Variants in LAMA2 observed in about 807,000 individuals in gnomAD.
The protein encoded by LAMA2 is laminin subunit alpha 2.
In LAMA2, 269 loss-of-function variants were observed where a neutral mutation model predicts 364.8. That is an observed-to-expected ratio of 0.74 (90% confidence interval 0.67 to 0.82). LAMA2 has a LOEUF of 0.82. Among genes scored for constraint, LAMA2 ranks in the 40% least tolerant of loss-of-function variants. The probability of loss-of-function intolerance (pLI) is 0.00; values close to 1 mark genes in which losing one functional copy is unlikely to be tolerated. For synonymous variants in LAMA2, 1,379 were observed against 1,370.6 expected (o/e 1.01, Z -0.14); for missense variants, 3,807 against 3,873.2 (o/e 0.98, Z 0.45).
At chr6:129,413,119 C>CT (rs1780617520) in intron 40 of LAMA2, among the ~76,000 whole-genome samples, 2 of 152,104 alleles carry the variant, frequency 1.3e-5, no homozygotes, top group Non-Finnish European at 2.9e-5. Flanking sequence ...ATAAGATACA[C>CT]TATGCAAACT....
rs762858697 is a variant in LAMA2 at position 128,883,344 on chromosome 6, A to G, written c.99A>G (p.Ala33=). The stretch of plus-strand genomic sequence containing the variant: ...CGCAGCAGCAGCGGCAGTCACAGGC[A>G]CATCAGCAAAGAGGTACAGTCGAGG... ...QRPQQQRQSQ[A]HQQRGLFPAV... is the part of the protein sequence containing the mutation. Residue 33 remains alanine (A), a synonymous_variant, in exon 1 of 65, where the codon GCA becomes GCG. Coordinates refer to ENST00000421865, the MANE Select transcript of LAMA2 (RefSeq NM_000426.4). 6.3e-7 allele frequency: 1 copy of G among 1,598,032 alleles called. No homozygotes were observed. Among genetic ancestry groups the G allele is most frequent in the Non-Finnish European group, 8.5e-7 (1 of 1,172,566 alleles).
intron 10 of LAMA2, among the ~76,000 whole-genome samples, chr6:129,188,891 C>T (rs1356385458): frequency 2.0e-5 from 3 of 151,930 alleles, no homozygotes; most frequent in Non-Finnish European, 2.9e-5. Flanking sequence ...CTTATATGTT[C>T]TCAGATTTTA....
chr6:129,408,214 C>G (rs550602640), intron 40 of LAMA2, among the ~76,000 whole-genome samples: 27 of 152,138 alleles, frequency 1.8e-4, no homozygotes, highest in Non-Finnish European at 3.5e-4. Context: ...ATGGGAGAAA[C>G]AGTACCATAT....
intron 1 of LAMA2, among the ~76,000 whole-genome samples, chr6:128,910,592 G>A (rs1416222998): frequency 6.6e-5 from 10 of 152,064 alleles, no homozygotes; most frequent in East Asian, 3.9e-4. Flanking sequence ...ATGTCCTCCC[G>A]TAGCTCAGAG....
Position 129,402,526 on chromosome 6 carries a change from T to C in LAMA2, c.5726+39T>C, listed in dbSNP as rs73774810. Reference sequence around the variant, plus strand: ...TTTTGGAAATGTTTGTGTATTTTGATGCTTGTCCAAAGGTTTTGACTAGCA... The same window carrying C: ...TTTTGGAAATGTTTGTGTATTTTGACGCTTGTCCAAAGGTTTTGACTAGCA... On this transcript the variant is annotated intron_variant, in intron 39 of 64. Coordinates refer to ENST00000421865, the MANE Select transcript of LAMA2 (RefSeq NM_000426.4). The C allele has an allele frequency of 2.5e-3, 3,944 of 1,596,140 alleles. 96 individuals carry two copies. In the African/African-American group the frequency reaches 0.048, roughly 19 times the overall value.
At chr6:129,309,987 C>G (rs1774113189) in intron 22 of LAMA2, among the ~76,000 whole-genome samples, 1 of 148,926 alleles carries the variant, frequency 6.7e-6, no homozygotes, top group African/African-American at 2.5e-5. Context: ...GCAAGCTCCG[C>G]CTCCCGGGTT....
chr6:129,239,299 T>A (rs1475102111), intron 12 of LAMA2, among the ~76,000 whole-genome samples: 1 of 152,206 alleles, frequency 6.6e-6, no homozygotes, highest in African/African-American at 2.4e-5. Flanking sequence ...TCTAGAACTG[T>A]ACTCTTTTCC....
intron 12 of LAMA2, among the ~76,000 whole-genome samples, chr6:129,237,111 A>G (rs1166778766): frequency 2.0e-5 from 3 of 152,268 alleles, no homozygotes; most frequent in East Asian, 3.9e-4. Context: ...TAACAGTTAT[A>G]AGATTCTTAC....
chr6:129,438,750 G>C lies in LAMA2; in HGVS notation c.6073G>C (p.Ala2025Pro), dbSNP rs556367686. The C allele has an allele frequency of 1.3e-6, 2 of 1,547,100 alleles. No individual in the cohort carries two copies. Among genetic ancestry groups the C allele is most frequent in the East Asian group, 4.5e-5 (2 of 44,454 alleles). Residue 2025 changes from alanine (A) to proline (P), a missense_variant, in exon 42 of 65, where the codon GCT becomes CCT. Coordinates refer to ENST00000421865, the MANE Select transcript of LAMA2 (RefSeq NM_000426.4). ...TLNDTLGKLS[A>P]IPNDTAAKLQ... ...GAATGACACTTTGGGAAAGTTATCA[G>C]CTATTCCAAATGGTAAGCATTCAGG...
chr6:129,159,936 C>T (rs1424777549), intron 8 of LAMA2, among the ~76,000 whole-genome samples: 10 of 152,132 alleles, frequency 6.6e-5, no homozygotes, highest in Non-Finnish European at 1.3e-4. Context: ...GGCAGCTTTG[C>T]ATTTGTGAAT....
intron 1 of LAMA2, among the ~76,000 whole-genome samples, chr6:128,968,858 C>T (rs1283787508): frequency 1.3e-5 from 2 of 152,026 alleles, no homozygotes; most frequent in Non-Finnish European, 2.9e-5. Context: ...CCTTGTGCTT[C>T]GTTTGAATTT....
intron 1 of LAMA2, among the ~76,000 whole-genome samples, chr6:128,972,506 A>G (rs568820726): frequency 1.3e-5 from 2 of 152,334 alleles, no homozygotes; most frequent in South Asian, 2.1e-4. Flanking sequence ...TCAACAAATG[A>G]TAGACATTAC....
intron 18 of LAMA2, among the ~76,000 whole-genome samples, chr6:129,282,947 G>A (rs1003962567): frequency 6.6e-6 from 1 of 152,086 alleles, no homozygotes; most frequent in African/African-American, 2.4e-5. Context: ...AGATGGCCTT[G>A]CTTCTTGAAT....
intron 1 of LAMA2, among the ~76,000 whole-genome samples, chr6:129,041,989 G>A (rs1192505756): frequency 8.4e-6 from 1 of 119,100 alleles, no homozygotes; most frequent in Non-Finnish European, 1.7e-5. Flanking sequence ...GCAACAGAAT[G>A]AGACCCTGTC....
intron 3 of LAMA2, among the ~76,000 whole-genome samples, chr6:129,087,075 T>A (rs995140052): frequency 6.6e-6 from 1 of 152,188 alleles, no homozygotes; most frequent in African/African-American, 2.4e-5. Flanking sequence ...TCCAGGGTGA[T>A]CCTTTCATCT....
At chr6:128,994,350 G>A (rs186739574) in intron 1 of LAMA2, among the ~76,000 whole-genome samples, 2 of 152,306 alleles carry the variant, frequency 1.3e-5, no homozygotes, top group Admixed American at 1.3e-4. Flanking sequence ...GAAGAAATAG[G>A]GGGAACTTTT....
At chr6:129,419,089 G>A (rs1780941539) in intron 40 of LAMA2, among the ~76,000 whole-genome samples, 1 of 151,704 alleles carries the variant, frequency 6.6e-6, no homozygotes, top group African/African-American at 2.4e-5. Flanking sequence ...TCTCATTTGG[G>A]TCAATAATTT....
chr6:129,264,987 T>C (rs1299731190), intron 15 of LAMA2, among the ~76,000 whole-genome samples: 1 of 152,128 alleles, frequency 6.6e-6, no homozygotes, highest in Non-Finnish European at 1.5e-5. Flanking sequence ...AGAGGACAGT[T>C]TTGTCATTTG....
intron 37 of LAMA2, among the ~76,000 whole-genome samples, chr6:129,395,297 T>C: frequency 6.6e-6 from 1 of 152,238 alleles, no homozygotes; most frequent in East Asian, 1.9e-4. Flanking sequence ...ACACAATTAA[T>C]ACCCAACTCA....
Sources: allele counts gnomAD v4.1 joint callset (sites outside exome capture counted in the v4.1 genomes callset), GRCh38; gene constraint gnomAD v4.1.1; transcripts MANE v1.5; gene names NCBI Gene and HGNC (gene_info 2026-07-23, HGNC 2026-07-21).